GDPD5: variants seen among roughly 807,000 people sequenced by gnomAD.
The protein encoded by GDPD5 is glycerophosphodiester phosphodiesterase 2.
A neutral mutation model predicts 75.1 loss-of-function variants in GDPD5; 48 were observed. That is an observed-to-expected ratio of 0.64 (90% confidence interval 0.51 to 0.81). The LOEUF (loss-of-function observed/expected upper bound fraction) is 0.81, where lower values mean the gene tolerates loss of function less well. Ranked by LOEUF, GDPD5 falls within the 40% of genes least tolerant of loss-of-function variation. GDPD5 has a pLI of 0.00. For missense variants in GDPD5, 706 were observed against 822.6 expected, an observed-to-expected ratio of 0.86 and a Z score of 1.73; for synonymous variants, 336 against 339.0, an observed-to-expected ratio of 0.99 and a Z score of 0.10.
At chr11:75,475,663 G>C (rs552983629) in intron 3 of GDPD5, among the ~76,000 whole-genome samples, 1 of 152,188 alleles carries the variant, frequency 6.6e-6, no homozygotes, top group East Asian at 1.9e-4. Flanking sequence ...AGAAAGGGGC[G>C]GGGGAGCAGA....
In GDPD5 at chr11:75,493,635, T is replaced by C. The variant is rs542443253; in HGVS notation, c.-144-3315A>G. 8.5e-5 allele frequency among the ~76,000 whole-genome samples: 13 copies of C among 152,092 alleles called. No individual in the cohort carries two copies. The East Asian group carries it at 2.3e-3, about 27-fold the overall frequency. On this transcript the variant is annotated intron_variant, in intron 1 of 16. Transcript: ENST00000336898. ...TGCTGTGAAGGTCTATGGGTCGTGT[T>C]GCTGCTGAGGAGGGAGATGGATGCT...
At chr11:75,476,819 C>T (rs1279254570) in intron 3 of GDPD5, among the ~76,000 whole-genome samples, 1 of 152,178 alleles carries the variant, frequency 6.6e-6, no homozygotes, top group Non-Finnish European at 1.5e-5. Context: ...CCCCGACCTC[C>T]CCAGACAGAC....
At chr11:75,447,457 C>T (rs1229730522) in intron 9 of GDPD5, among the ~76,000 whole-genome samples, 2 of 151,906 alleles carry the variant, frequency 1.3e-5, no homozygotes, top group East Asian at 1.9e-4. Flanking sequence ...TAAGACGATG[C>T]GATGCCTAAG....
At chr11:75,520,498 G>T (rs965632292) in intron 1 of GDPD5, among the ~76,000 whole-genome samples, 1 of 152,110 alleles carries the variant, frequency 6.6e-6, no homozygotes, top group Non-Finnish European at 1.5e-5. Flanking sequence ...ATTCGGTGGG[G>T]GCACATAGAA....
At chr11:75,509,246 C>A (rs1950465724) in intron 1 of GDPD5, among the ~76,000 whole-genome samples, 1 of 152,180 alleles carries the variant, frequency 6.6e-6, no homozygotes, top group Non-Finnish European at 1.5e-5. Flanking sequence ...TGGGTTGCAG[C>A]CAGGGAAGGG....
intron 2 of GDPD5, among the ~76,000 whole-genome samples, chr11:75,478,818 G>C (rs1259326711): frequency 6.6e-6 from 1 of 152,202 alleles, no homozygotes; most frequent in African/African-American, 2.4e-5. Context: ...ACAACCATCT[G>C]AAGTGGCAGG....
At chr11:75,436,873 G>T in intron 16 of GDPD5, 63 bp downstream of exon 16, 1 of 1,209,780 alleles carries the variant, frequency 8.3e-7, no homozygotes, top group Non-Finnish European at 1.2e-6. Flanking sequence ...ACATCTGTTT[G>T]CATGTGGGGG....
chr11:75,521,943 G>A (rs1941473711), intron 1 of GDPD5, among the ~76,000 whole-genome samples: 3 of 152,140 alleles, frequency 2.0e-5, no homozygotes, highest in South Asian at 2.1e-4. Context: ...CTTACAGGCC[G>A]TAAGGAGCCA....
chr11:75,456,664 C>T, intron 6 of GDPD5, 93 bp downstream of exon 6: 15 of 1,224,868 alleles, frequency 1.2e-5, no homozygotes, highest in Middle Eastern at 1.9e-4. Context: ...AACGGTGATC[C>T]AGGGGAGGGA....
intron 1 of GDPD5, among the ~76,000 whole-genome samples, chr11:75,511,073 C>A (rs1044605991): frequency 2.0e-5 from 3 of 152,204 alleles, no homozygotes; most frequent in Non-Finnish European, 4.4e-5. Flanking sequence ...TTGGCATTTC[C>A]AAGTGCTGGC....
intron 1 of GDPD5, chr11:75,506,696 G>A (rs1950405560): frequency 1.3e-5 from 2 of 152,434 alleles, no homozygotes; most frequent in South Asian, 2.1e-4. Context: ...GAGTGTTCAC[G>A]GAGCCTGCAG....
At chr11:75,469,586 C>A (rs1949611111) in intron 3 of GDPD5, among the ~76,000 whole-genome samples, 1 of 152,224 alleles carries the variant, frequency 6.6e-6, no homozygotes. Context: ...GGGCCTTGCC[C>A]AAGGTCACAC....
intron 1 of GDPD5, among the ~76,000 whole-genome samples, chr11:75,494,238 C>A (rs1338018105): frequency 7.1e-6 from 1 of 139,868 alleles, no homozygotes; most frequent in East Asian, 2.1e-4. Flanking sequence ...GAGACAGAGT[C>A]TCGCTCTGTC....
chr11:75,513,987 G>A (rs559382410), intron 1 of GDPD5, among the ~76,000 whole-genome samples: 198 of 152,306 alleles, frequency 1.3e-3, no homozygotes, highest in Admixed American at 2.2e-3. Flanking sequence ...GCCTGAGCCC[G>A]AGGTTTCTCA....
intron 2 of GDPD5, among the ~76,000 whole-genome samples, chr11:75,480,925 C>T (rs1352680444): frequency 1.3e-5 from 2 of 152,174 alleles, no homozygotes; most frequent in Non-Finnish European, 2.9e-5. Flanking sequence ...GTATTGTCTA[C>T]GGCTGTTTTA....
intron 4 of GDPD5, among the ~76,000 whole-genome samples, 172 bp from the exon 5 acceptor site, chr11:75,457,958 G>A (rs12576703): frequency 0.03 from 4,520 of 152,298 alleles, 169 homozygotes; most frequent in African/African-American, 0.076. Flanking sequence ...GCCTGCTCAT[G>A]GCAGCCACCC....
chr11:75,444,533 C>T (rs368979751), intron 9 of GDPD5, 38 bp from the exon 10 acceptor site: 1 of 1,468,862 alleles, frequency 6.8e-7, no homozygotes, highest in African/African-American at 1.4e-5. Flanking sequence ...AGCCAAGATT[C>T]AGCTGATGTA....
intron 2 of GDPD5, among the ~76,000 whole-genome samples, chr11:75,487,038 G>A (rs1225991040): frequency 6.6e-6 from 1 of 152,158 alleles, no homozygotes; most frequent in African/African-American, 2.4e-5. Flanking sequence ...CTGGCCCCAG[G>A]GTGAGGGCTG....
intron 3 of GDPD5, among the ~76,000 whole-genome samples, chr11:75,475,667 G>A (rs970253361): frequency 2.6e-5 from 4 of 152,192 alleles, no homozygotes; most frequent in Admixed American, 1.3e-4. Flanking sequence ...AGGGGCGGGG[G>A]AGCAGAGGAT....
Sources: allele counts gnomAD v4.1 joint callset (sites outside exome capture counted in the v4.1 genomes callset), GRCh38; gene constraint gnomAD v4.1.1; transcripts MANE v1.5; gene names NCBI Gene and HGNC (gene_info 2026-07-23, HGNC 2026-07-21).